Variants in LRRC4C observed in about 807,000 individuals in gnomAD.
LRRC4C encodes leucine rich repeat containing 4C, also known as leucine-rich repeat-containing protein 4C.
LRRC4C carries 5 observed loss-of-function variants against 33.6 expected under a neutral mutation model. That is an observed-to-expected ratio of 0.15 (90% confidence interval 0.08 to 0.31). LRRC4C has a LOEUF of 0.31. Among genes scored for constraint, LRRC4C ranks in the 10% least tolerant of loss-of-function variants. The pLI, the probability that LRRC4C is intolerant of heterozygous loss-of-function variation, is 1.00. For synonymous variants in LRRC4C, 329 were observed against 302.0 expected (o/e 1.09, Z -0.93); for missense variants, 560 against 796.7 (o/e 0.70, Z 3.58).
At chr11:40,959,360 T>C (rs551742640) in intron 1 of LRRC4C, among the ~76,000 whole-genome samples, 55 of 151,806 alleles carry the variant, frequency 3.6e-4, no homozygotes, top group African/African-American at 1.2e-3. Flanking sequence ...GAAAGTTCCA[T>C]GTCCCTGGAA....
At chr11:40,760,898 T>G in intron 2 of LRRC4C, among the ~76,000 whole-genome samples, 1 of 146,908 alleles carries the variant, frequency 6.8e-6, no homozygotes, top group East Asian at 2.0e-4. Context: ...TATATAAATA[T>G]ATATTATATA....
At chr11:40,270,324 C>T (rs942763878) in intron 4 of LRRC4C, among the ~76,000 whole-genome samples, 1 of 152,008 alleles carries the variant, frequency 6.6e-6, no homozygotes, top group Non-Finnish European at 1.5e-5. Flanking sequence ...CTTTGGTGGC[C>T]TCTCTCCTTA....
At chr11:41,299,306 A>T (rs1036453818) in intron 1 of LRRC4C, among the ~76,000 whole-genome samples, 2 of 152,166 alleles carry the variant, frequency 1.3e-5, no homozygotes, top group Non-Finnish European at 2.9e-5. Context: ...AAACAATAAT[A>T]TCAAACTTTC....
At chr11:40,782,624 G>T (rs1397661790) in intron 2 of LRRC4C, among the ~76,000 whole-genome samples, 1 of 152,050 alleles carries the variant, frequency 6.6e-6, no homozygotes, top group Admixed American at 6.6e-5. Flanking sequence ...GTCTGAGTTT[G>T]GGCAAACAAA....
intron 2 of LRRC4C, among the ~76,000 whole-genome samples, chr11:40,726,239 G>T (rs1052769053): frequency 4.0e-5 from 6 of 151,822 alleles, no homozygotes; most frequent in African/African-American, 9.7e-5. Context: ...GAGAGCTGGT[G>T]TCAATTCTAC....
At chr11:40,613,279 A>G (rs2135899502) in intron 3 of LRRC4C, among the ~76,000 whole-genome samples, 1 of 152,032 alleles carries the variant, frequency 6.6e-6, no homozygotes, top group South Asian at 2.1e-4. Context: ...AACCTTGCCT[A>G]TGCTTTGTCA....
chr11:41,006,958 C>T (rs1854800220), intron 1 of LRRC4C, among the ~76,000 whole-genome samples: 1 of 151,928 alleles, frequency 6.6e-6, no homozygotes, highest in African/African-American at 2.4e-5. Context: ...GAAACGAAAG[C>T]ATATGATTAA....
chr11:40,487,129 C>T (rs1011743428), intron 3 of LRRC4C, among the ~76,000 whole-genome samples: 2 of 151,988 alleles, frequency 1.3e-5, no homozygotes, highest in African/African-American at 2.4e-5. Context: ...AGCTACTATC[C>T]GTGAACTGAC....
At chr11:41,386,550 T>C (rs1419896802) in intron 1 of LRRC4C, among the ~76,000 whole-genome samples, 1 of 151,742 alleles carries the variant, frequency 6.6e-6, no homozygotes, top group African/African-American at 2.4e-5. Flanking sequence ...AAAATAAAAT[T>C]GGTAAAACTG....
chr11:40,665,661 T>C (rs1943765973), intron 2 of LRRC4C, among the ~76,000 whole-genome samples: 1 of 151,914 alleles, frequency 6.6e-6, no homozygotes, highest in Non-Finnish European at 1.5e-5. Context: ...GAAAGTCATT[T>C]ATACTACTCA....
intron 3 of LRRC4C, among the ~76,000 whole-genome samples, chr11:40,336,959 A>G (rs1009982291): frequency 7.2e-6 from 1 of 139,526 alleles, no homozygotes; most frequent in African/African-American, 2.7e-5. Context: ...CCTGGGGGAC[A>G]GAGCGAGACT....
chr11:41,314,218 C>T (rs1950719917), intron 1 of LRRC4C, among the ~76,000 whole-genome samples: 2 of 152,106 alleles, frequency 1.3e-5, no homozygotes, highest in Admixed American at 6.6e-5. Flanking sequence ...TTCCTCTTAC[C>T]AACTCTAAAT....
intron 2 of LRRC4C, among the ~76,000 whole-genome samples, chr11:40,781,400 T>C (rs1950205323): frequency 6.6e-6 from 1 of 152,116 alleles, no homozygotes; most frequent in African/African-American, 2.4e-5. Flanking sequence ...CAATTTCTTA[T>C]TATGAGTTCA....
At chr11:40,837,923 C>A (rs1474866617) in intron 2 of LRRC4C, among the ~76,000 whole-genome samples, 1 of 151,780 alleles carries the variant, frequency 6.6e-6, no homozygotes, top group African/African-American at 2.4e-5. Flanking sequence ...CACATGTATA[C>A]AGCTGTTCAT....
chr11:40,796,995 C>T (rs1048714331), intron 2 of LRRC4C, among the ~76,000 whole-genome samples: 4 of 152,060 alleles, frequency 2.6e-5, no homozygotes, highest in Admixed American at 2.6e-4. Context: ...CGCTATAGAA[C>T]TTGAGCAATA....
intron 1 of LRRC4C, among the ~76,000 whole-genome samples, chr11:41,094,958 T>C (rs573676163): frequency 6.6e-6 from 1 of 152,322 alleles, no homozygotes; most frequent in South Asian, 2.1e-4. Context: ...TCTTTGGTAT[T>C]TTCATCTGAG....
intron 1 of LRRC4C, among the ~76,000 whole-genome samples, chr11:41,153,457 T>A (rs1944089799): frequency 6.6e-6 from 1 of 152,126 alleles, no homozygotes; most frequent in South Asian, 2.1e-4. Flanking sequence ...AGTCCCTCAA[T>A]TAATTAAAAA....
intron 4 of LRRC4C, among the ~76,000 whole-genome samples, chr11:40,317,757 C>T (rs1945648401): frequency 1.3e-5 from 2 of 152,094 alleles, no homozygotes; most frequent in African/African-American, 4.8e-5. Flanking sequence ...CAACACTACG[C>T]TACTCTTTTT....
At chr11:40,984,892 A>C (rs1276874226) in intron 1 of LRRC4C, among the ~76,000 whole-genome samples, 31 of 24,616 alleles carry the variant, frequency 1.3e-3, no homozygotes, top group Non-Finnish European at 2.3e-3. Context: ...TCTCACTGAC[A>C]CTTTTTTTTT....
Sources: gnomAD v4.1 joint callset for allele counts (sites outside exome capture counted in the v4.1 genomes callset) on GRCh38, gnomAD v4.1.1 for gene constraint, MANE v1.5 for transcripts, NCBI Gene and HGNC (gene_info 2026-07-23, HGNC 2026-07-21) for gene names.